Variants in FMN1 observed in about 807,000 individuals in gnomAD.
The protein encoded by FMN1 is formin 1.
In FMN1, 110 loss-of-function variants were observed where a neutral mutation model predicts 132.4. The observed-to-expected ratio is 0.83, with a 90% confidence interval of 0.71 to 0.97. The LOEUF is 0.97. Ranked by LOEUF, FMN1 falls within the 50% of genes least tolerant of loss-of-function variation. The pLI is 0.00. For missense variants in FMN1, 1,792 were observed against 1,705.3 expected, an observed-to-expected ratio of 1.05 and a Z score of -0.90; for synonymous variants, 722 against 651.7, an observed-to-expected ratio of 1.11 and a Z score of -1.64.
At chr15:33,106,690 G>C (rs766851993) in intron 4 of FMN1, among the ~76,000 whole-genome samples, 7 of 151,988 alleles carry the variant, frequency 4.6e-5, no homozygotes, top group Admixed American at 6.6e-5. Context: ...CCAGATAACT[G>C]TTTTCTGTGG....
At chr15:32,866,828 C>T (rs1031435813) in intron 16 of FMN1, among the ~76,000 whole-genome samples, 2 of 152,152 alleles carry the variant, frequency 1.3e-5, no homozygotes, top group African/African-American at 4.8e-5. Context: ...GACTACTTCT[C>T]CTTTGTAAAA....
intron 17 of FMN1, chr15:32,837,119 A>C (rs903257711): frequency 4.4e-6 from 1 of 226,422 alleles, no homozygotes; most frequent in Non-Finnish European, 9.9e-6. Flanking sequence ...CTGAGCTGGA[A>C]GGACCTTCTA....
chr15:33,156,277 T>G (rs1964666906), intron 3 of FMN1, among the ~76,000 whole-genome samples: 1 of 49,604 alleles, frequency 2.0e-5, no homozygotes, highest in African/African-American at 6.7e-5. Flanking sequence ...CAAGTAGTTT[T>G]TTTTTTTTTT....
At chr15:33,150,096 G>A in intron 4 of FMN1, 3 of 985,390 alleles carry the variant, frequency 3.0e-6, no homozygotes, top group South Asian at 4.7e-5. Context: ...ACAACCACAG[G>A]ATTACTCAAG....
chr15:32,943,598 A>G (rs1309823371), intron 9 of FMN1, among the ~76,000 whole-genome samples: 3 of 152,224 alleles, frequency 2.0e-5, no homozygotes, highest in Admixed American at 6.5e-5. Flanking sequence ...GGGTTGGAAG[A>G]CACGTAGAAT....
chr15:32,956,719 C>G (rs762604326), intron 9 of FMN1, among the ~76,000 whole-genome samples: 2 of 152,168 alleles, frequency 1.3e-5, no homozygotes, highest in Non-Finnish European at 2.9e-5. Context: ...ACAAACCTAT[C>G]ACCACCCTCA....
chr15:32,944,696 C>G (rs527628932), intron 9 of FMN1, among the ~76,000 whole-genome samples: 1 of 151,814 alleles, frequency 6.6e-6, no homozygotes, highest in Non-Finnish European at 1.5e-5. Flanking sequence ...AAACCCTTTT[C>G]TTGTTTTTCA....
chr15:32,981,834 T>C (rs945383292), intron 7 of FMN1, among the ~76,000 whole-genome samples: 1 of 152,100 alleles, frequency 6.6e-6, no homozygotes, highest in Non-Finnish European at 1.5e-5. Context: ...AATGAACATA[T>C]ACAATTGTTG....
At chr15:33,075,744 C>G (rs549309072) in intron 5 of FMN1, among the ~76,000 whole-genome samples, 1 of 152,274 alleles carries the variant, frequency 6.6e-6, no homozygotes, top group South Asian at 2.1e-4. Flanking sequence ...GAAAATGAGA[C>G]TAGGTGCCTT....
At chr15:33,093,024 T>A (rs1033818397) in intron 4 of FMN1, among the ~76,000 whole-genome samples, 2 of 152,220 alleles carry the variant, frequency 1.3e-5, no homozygotes, top group African/African-American at 4.8e-5. Context: ...TATAAAAATA[T>A]ACCAATTTCC....
At chr15:32,980,199 C>G (rs1567500290) in intron 7 of FMN1, among the ~76,000 whole-genome samples, 2 of 136,758 alleles carry the variant, frequency 1.5e-5, no homozygotes, top group African/African-American at 6.6e-5. Context: ...TTATACAAGA[C>G]ATAAGATGCC....
intron 9 of FMN1, among the ~76,000 whole-genome samples, chr15:32,962,581 G>A (rs985294332): frequency 6.6e-6 from 1 of 151,088 alleles, no homozygotes; most frequent in Non-Finnish European, 1.5e-5. Context: ...GAAAATTTTT[G>A]CAACCTACTC....
At chr15:33,043,688 C>T (rs237244) in intron 6 of FMN1, among the ~76,000 whole-genome samples, 54,583 of 152,120 alleles carry the variant, frequency 0.36, 10,408 homozygotes, top group Admixed American at 0.47. Context: ...CTATATGGAG[C>T]GGCCACTGCC....
intron 2 of FMN1, among the ~76,000 whole-genome samples, chr15:33,184,815 C>CT (rs1426998716): frequency 1.3e-4 from 20 of 152,192 alleles, no homozygotes; most frequent in Non-Finnish European, 1.8e-4. Flanking sequence ...TAATTTAGAC[C>CT]TTTTTTTACT....
intron 9 of FMN1, among the ~76,000 whole-genome samples, chr15:32,926,794 T>C (rs947748931): frequency 2.6e-5 from 4 of 152,256 alleles, no homozygotes; most frequent in Admixed American, 2.6e-4. Context: ...TTAGTCTATA[T>C]TTTATTTTGA....
chr15:32,935,253 C>G (rs1217084223), intron 9 of FMN1, among the ~76,000 whole-genome samples: 1 of 152,038 alleles, frequency 6.6e-6, no homozygotes, highest in Non-Finnish European at 1.5e-5. Flanking sequence ...AGTTTTCTTA[C>G]TTGGTAATTT....
chr15:32,780,588 T>G (rs2056631536), intron 19 of FMN1, among the ~76,000 whole-genome samples: 1 of 152,242 alleles, frequency 6.6e-6, no homozygotes, highest in African/African-American at 2.4e-5. Flanking sequence ...TTTACTTTCC[T>G]GATAAACTTG....
rs11630735 is a variant in FMN1 at position 33,008,090 on chromosome 15, A to C, written c.2162-15T>G. 215,434 of 1,575,966 alleles carry C rather than the reference A, an allele frequency of 0.14. 15,587 individuals are homozygous for C. Among genetic ancestry groups the C allele is most frequent in the Middle Eastern group, 0.15 (906 of 5,976 alleles). On this transcript the variant is annotated splice_polypyrimidine_tract_variant and intron_variant, in intron 6 of 20. Transcript: ENST00000616417. ...AGCTTGGTATTCTGTAAAATCAAAAAAGAGGCCAATTATAAAGAAGTACAA... is the reference window on the plus strand; with the variant it reads ...AGCTTGGTATTCTGTAAAATCAAAACAGAGGCCAATTATAAAGAAGTACAA...
chr15:32,946,955 T>A (rs2140471981), intron 9 of FMN1, among the ~76,000 whole-genome samples: 1 of 152,316 alleles, frequency 6.6e-6, no homozygotes, highest in East Asian at 1.9e-4. Flanking sequence ...TAACAATTCT[T>A]ATTGAGCTAT....
Sources: allele counts gnomAD v4.1 joint callset (sites outside exome capture counted in the v4.1 genomes callset), GRCh38; gene constraint gnomAD v4.1.1; transcripts MANE v1.5; gene names NCBI Gene and HGNC (gene_info 2026-07-23, HGNC 2026-07-21).